The following CRMP1 variants were observed in gnomAD, a reference collection of about 807,000 sequenced individuals.
CRMP1 encodes dihydropyrimidinase-related protein 1.
A neutral mutation model predicts 68.3 loss-of-function variants in CRMP1; 19 were observed. The observed-to-expected ratio is 0.28, with a 90% CI of 0.19 to 0.41. The LOEUF (loss-of-function observed/expected upper bound fraction) is 0.41. CRMP1 is among the 10% of genes least tolerant of loss of function. The pLI, the probability that CRMP1 is intolerant of heterozygous loss-of-function variation, is 1.00. For synonymous variants in CRMP1, 439 were observed against 399.6 expected (o/e 1.10, Z -1.18); for missense variants, 791 against 967.4 (o/e 0.82, Z 2.42).
intron 3 of CRMP1, among the ~76,000 whole-genome samples, chr4:5,857,126 T>TC (rs1713187069): frequency 7.9e-6 from 1 of 126,632 alleles, no homozygotes; most frequent in African/African-American, 3.1e-5. Flanking sequence ...ATCATCACCA[T>TC]CACCACCACC....
chr4:5,853,063 T>C lies in CRMP1; in HGVS notation c.821-1594A>G, dbSNP rs1431980752. 6.6e-6 allele frequency among the ~76,000 whole-genome samples: 1 copy of C among 152,164 alleles called. No homozygotes were observed. Among genetic ancestry groups the C allele is most frequent in the Non-Finnish European group, 1.5e-5 (1 of 68,024 alleles). On this transcript the variant is annotated intron_variant, in intron 4 of 13. Coordinates refer to ENST00000324989, the MANE Select transcript of CRMP1 (RefSeq NM_001014809.3). This position sits in a 1 kb window ranked among gnomAD's most constrained non-coding sequence, Gnocchi z 4.7. ...CATCCTGATGAGCCAGGCAGACAGCTTGCAATTTATTCTGGGGATAATGTG... is the reference window on the plus strand; with the variant it reads ...CATCCTGATGAGCCAGGCAGACAGCCTGCAATTTATTCTGGGGATAATGTG...
At position 5,859,742 on chromosome 4, in the gene CRMP1, G is replaced by A. The variant is rs938522701; in HGVS notation, c.655+1284C>T. On this transcript the variant is annotated intron_variant, in intron 3 of 13. Coordinates refer to ENST00000324989, the MANE Select transcript of CRMP1 (RefSeq NM_001014809.3). This position sits in a 1 kb window ranked among gnomAD's most constrained non-coding sequence, Gnocchi z 5.2. ...CCTTTGGAAGAGGGATCAGGACAGT[G>A]CTTGCCTCAAAAGTCGAGCCCCACC... is the stretch of plus-strand genomic sequence containing the variant. 8.5e-5 allele frequency among the ~76,000 whole-genome samples: 13 copies of A among 152,196 alleles called. No individual in the cohort carries two copies. The East Asian group carries it at 2.5e-3, about 30-fold the overall frequency.
At position 5,881,796 on chromosome 4, in the gene CRMP1, G is replaced by A. The variant is rs189981313; in HGVS notation, c.381+10793C>T. On this transcript the variant is annotated intron_variant, in intron 1 of 13. Transcript: ENST00000324989. This position sits in a 1 kb window ranked among gnomAD's most constrained non-coding sequence, Gnocchi z 4.6. ...ACACATCGGCAGAGAATTTTTTTGA[G>A]TACACCACTGTGCTCACAGCACACA... Among the ~76,000 whole-genome samples the A allele has an allele frequency of 4.3e-4, 65 of 152,222 alleles. 1 individual carries two copies. In the East Asian group the frequency reaches 0.012, roughly 29 times the overall value.
chr4:5,874,629 CAGACAAG>C (rs2152472132), intron 1 of CRMP1, among the ~76,000 whole-genome samples: 1 of 151,398 alleles, frequency 6.6e-6, no homozygotes, highest in Non-Finnish European at 1.5e-5. Context: ...AGGGAGGCAA[CAGACAAG>C]AGGCAAGGAG....
rs548708680 is a variant in CRMP1 at position 5,845,897 on chromosome 4, C to T, written c.964-2736G>A. 4.6e-5 allele frequency among the ~76,000 whole-genome samples: 7 copies of T among 152,196 alleles called. No homozygotes were observed. In the South Asian group the frequency reaches 8.3e-4, roughly 18 times the overall value. On this transcript the variant is annotated intron_variant, in intron 6 of 13. Transcript: ENST00000324989. ...CAAGAAGCAGCCATAAACAGTCTTG[C>T]GAAGAAACCAAGGATGTGAGTCTAC...
Position 5,820,860 on chromosome 4 carries a change from A to G in CRMP1, c.*900T>C, listed in dbSNP as rs1718414755. On this transcript the variant is annotated 3_prime_UTR_variant, in exon 14 of 14. Transcript: ENST00000324989. ...AAGAGCCACAACAAGTTGGTTGTTAAGTAAAAATGGGAGTGATTACAAAGG... is the reference window on the plus strand; with the variant it reads ...AAGAGCCACAACAAGTTGGTTGTTAGGTAAAAATGGGAGTGATTACAAAGG... 1 of 152,228 alleles carries G rather than the reference A, an allele frequency of 6.6e-6. No individual in the cohort carries two copies. The highest frequency in any genetic ancestry group is 6.5e-5 in the Admixed American group (1 of 15,282). 9.4% of individuals were successfully genotyped at this position (152,228 alleles called of 1,614,324 possible).
intron 1 of CRMP1, among the ~76,000 whole-genome samples, chr4:5,871,621 C>G (rs1446499890): frequency 6.6e-6 from 1 of 152,096 alleles, no homozygotes; most frequent in Admixed American, 6.5e-5. Context: ...GATCGCACCA[C>G]TGCACTCCAG....
chr4:5,857,020 G>GCCACCATCCA (rs1560505927), intron 3 of CRMP1, among the ~76,000 whole-genome samples: 54 of 4,200 alleles, frequency 0.013, 2 homozygotes, highest in South Asian at 0.068. Context: ...ACCACCATCT[G>GCCACCATCCA]CTATCATCAC....
intron 6 of CRMP1, among the ~76,000 whole-genome samples, chr4:5,846,812 G>A (rs953785239): frequency 1.4e-4 from 17 of 120,338 alleles, no homozygotes; most frequent in Non-Finnish European, 2.4e-4. Flanking sequence ...GCAGTGTTTC[G>A]CCATGTTGGC....
chr4:5,849,957 A>G (rs896236503), intron 5 of CRMP1, among the ~76,000 whole-genome samples: 1 of 152,212 alleles, frequency 6.6e-6, no homozygotes, highest in African/African-American at 2.4e-5. Flanking sequence ...TTTATGGACA[A>G]TGGTGGGGTG....
In CRMP1 at chr4:5,888,693, G is replaced by T; in HGVS notation, c.381+3896C>A. 1 of 892,722 alleles carries T rather than the reference G, an allele frequency of 1.1e-6. No individual in the cohort carries two copies. Among genetic ancestry groups the T allele is most frequent in the Non-Finnish European group, 1.3e-6 (1 of 747,162 alleles). The allele number at this position is 892,722 out of a possible 1,614,324, so 55.3% of individuals were successfully genotyped here. ...GCGCACACGCCCTTGGCGGGCCCTG[G>T]CCTCGCTCTCGCGATCCAGAGAGTA... On this transcript the variant is annotated intron_variant, in intron 1 of 13. Transcript: ENST00000324989. This position sits in a 1 kb window ranked among gnomAD's most constrained non-coding sequence, Gnocchi z 6.4.
In CRMP1 at chr4:5,821,178, A is replaced by G. The variant is rs1718481308; in HGVS notation, c.*582T>C. ...AACCTAGTGCAAGGCTTCCCCTGCC[A>G]TTCCGAGAATTCACGGATCTCACAG... is the stretch of plus-strand genomic sequence containing the variant. On this transcript the variant is annotated 3_prime_UTR_variant, in exon 14 of 14. Coordinates refer to ENST00000324989, the MANE Select transcript of CRMP1 (RefSeq NM_001014809.3). The surrounding 1 kb of genome is among the most constrained non-coding windows in gnomAD (Gnocchi z 4.4). 1 of 152,748 alleles carries G rather than the reference A, an allele frequency of 6.5e-6. No homozygotes were observed. Among genetic ancestry groups the G allele is most frequent in the Admixed American group, 6.5e-5 (1 of 15,368 alleles). The allele number at this position is 152,748 out of a possible 1,614,324, so 9.5% of individuals were successfully genotyped here.
rs529809736 is a variant in CRMP1, at chr4:5,842,925, C to T, written c.1032+168G>A. ...AGGCAGCACCTCTTCCTGTCTTCTC[C>T]AGCCAGCAGTCCCCAGGGTTCCCGG... On this transcript the variant is annotated intron_variant, in intron 7 of 13. Transcript: ENST00000324989. This position sits in a 1 kb window ranked among gnomAD's most constrained non-coding sequence, Gnocchi z 4.5. Among the ~76,000 whole-genome samples the T allele has an allele frequency of 2.0e-4, 31 of 152,276 alleles. No individual in the cohort carries two copies. In the South Asian group the frequency reaches 4.8e-3, roughly 23 times the overall value.
chr4:5,869,681 CAAAA>C (rs33973891), intron 1 of CRMP1, among the ~76,000 whole-genome samples: 2 of 92,924 alleles, frequency 2.2e-5, no homozygotes, highest in African/African-American at 4.3e-5. Flanking sequence ...AAGACTCCGT[CAAAA>C]AAAAAAAAAA....
intron 2 of CRMP1, among the ~76,000 whole-genome samples, chr4:5,863,115 CTTTTTTT>C (rs35515710): frequency 7.1e-6 from 1 of 140,102 alleles, no homozygotes; most frequent in African/African-American, 2.6e-5. Context: ...TCTTTTTTTC[CTTTTTTT>C]TTTTTTTTAA....
chr4:5,835,853 C>G (rs1720691754), intron 11 of CRMP1, 62 bp downstream of exon 11: 1 of 1,359,144 alleles, frequency 7.4e-7, no homozygotes, highest in Non-Finnish European at 9.6e-7. Flanking sequence ...TTTAACCAGT[C>G]TTTAAAAATG....
rs1016356102 is a variant in CRMP1 at position 5,820,778 on chromosome 4, T to A, written c.*982A>T. 3.3e-5 allele frequency: 5 copies of A among 151,644 alleles called. No individual in the cohort carries two copies. The highest frequency in any genetic ancestry group is 9.7e-5 in the African/African-American group (4 of 41,072). The allele number at this position is 151,644 out of a possible 1,614,324, so 9.4% of individuals were successfully genotyped here. A position where few individuals can be genotyped will look rare whatever the true frequency, so the allele number is the denominator to read the frequency against. ...CACCACTGAAATGAAAGTGCCCTAG[T>A]CAGGTCAGTGGGCAGTTCATTTTCT... On this transcript the variant is annotated 3_prime_UTR_variant, in exon 14 of 14. Coordinates refer to ENST00000324989, the MANE Select transcript of CRMP1 (RefSeq NM_001014809.3).
rs1351196484 is a variant in CRMP1 at position 5,821,652 on chromosome 4, TCC to T, written c.*106_*107del. 1.2e-5 allele frequency: 12 copies of T among 1,024,694 alleles called. No homozygotes were observed. The highest frequency in any genetic ancestry group is 1.6e-5 in the African/African-American group (1 of 62,540). The allele number at this position is 1,024,694 out of a possible 1,614,324, so 63.5% of individuals were successfully genotyped here. ...GAAAGAGCATCCTTCGACTTCCCCC[TCC>T]CTCCATCAGCACCAACTAAAACTGT... On this transcript the variant is annotated 3_prime_UTR_variant, in exon 14 of 14. Coordinates refer to ENST00000324989, the MANE Select transcript of CRMP1 (RefSeq NM_001014809.3). The surrounding 1 kb of genome is among the most constrained non-coding windows in gnomAD (Gnocchi z 4.4).
chr4:5,889,965 TA>T lies in CRMP1; in HGVS notation c.381+2623del. The stretch of plus-strand genomic sequence containing the variant: ...TGAGGCTTACAGAGGTAAAATGATG[TA>T]CCCCGGGTGCAAAACATATTAGCTG... On this transcript the variant is annotated intron_variant, in intron 1 of 13. Transcript: ENST00000324989. The surrounding 1 kb of genome is among the most constrained non-coding windows in gnomAD (Gnocchi z 4.5). 1 of 1,276,132 alleles carries T rather than the reference TA, an allele frequency of 7.8e-7. No homozygotes were observed. The highest frequency in any genetic ancestry group is 1.0e-6 in the Non-Finnish European group (1 of 998,616). The allele number at this position is 1,276,132 out of a possible 1,614,324, so 79.1% of individuals were successfully genotyped here. A position where few individuals can be genotyped will look rare whatever the true frequency, so the allele number is the denominator to read the frequency against.
Sources: allele counts gnomAD v4.1 joint callset (sites outside exome capture counted in the v4.1 genomes callset), GRCh38; gene constraint gnomAD v4.1.1; non-coding constraint Gnocchi (gnomAD v3.1); transcripts MANE v1.5; gene names NCBI Gene and HGNC (gene_info 2026-07-23, HGNC 2026-07-21).